The following NRXN1 variants were observed in gnomAD, a reference collection of about 807,000 sequenced individuals.
NRXN1 encodes neurexin-1.
Under a neutral mutation model 150.9 loss-of-function variants are expected in NRXN1, and 39 were observed. That is an observed-to-expected ratio of 0.26 (90% CI 0.20 to 0.34). The LOEUF is 0.34. Ranked by LOEUF, NRXN1 falls within the 10% of genes least tolerant of loss-of-function variation. The pLI is 1.00. For synonymous variants in NRXN1, 924 were observed against 757.0 expected, an observed-to-expected ratio of 1.22 and a Z score of -3.62; for missense variants, 1,815 against 1,949.9, an observed-to-expected ratio of 0.93 and a Z score of 1.30.
At chr2:50,068,369 A>T (rs1371107043) in intron 19 of NRXN1, among the ~76,000 whole-genome samples, 1 of 143,666 alleles carries the variant, frequency 7.0e-6, no homozygotes, top group Non-Finnish European at 1.5e-5. Context: ...AATACTATGG[A>T]TATGAATTTA....
chr2:50,728,025 C>A (rs1013130895), intron 5 of NRXN1, among the ~76,000 whole-genome samples: 2 of 152,154 alleles, frequency 1.3e-5, no homozygotes, highest in Admixed American at 6.5e-5. Context: ...GAAACAGAAT[C>A]TGTATCATTA....
intron 18 of NRXN1, among the ~76,000 whole-genome samples, chr2:50,226,434 T>G (rs1274575028): frequency 2.0e-5 from 3 of 152,002 alleles, no homozygotes; most frequent in Admixed American, 6.6e-5. Context: ...CACATCTGAC[T>G]GTATTTCTAG....
chr2:50,960,343 C>T (rs955944038), intron 2 of NRXN1, among the ~76,000 whole-genome samples: 6 of 150,790 alleles, frequency 4.0e-5, no homozygotes, highest in African/African-American at 1.5e-4. Context: ...CCCTCCTTCC[C>T]TCCTTTCCTT....
chr2:50,846,069 T>G (rs748216596), intron 5 of NRXN1, among the ~76,000 whole-genome samples: 1 of 152,218 alleles, frequency 6.6e-6, no homozygotes, highest in Non-Finnish European at 1.5e-5. Context: ...AGTTACTAGC[T>G]ATAGGGAGTA....
chr2:50,921,610 T>C (rs1344693157), intron 5 of NRXN1, among the ~76,000 whole-genome samples: 5 of 151,704 alleles, frequency 3.3e-5, no homozygotes, highest in Admixed American at 1.3e-4. Flanking sequence ...CCGAAACTTG[T>C]AGCTAATTTC....
At chr2:50,534,607 C>T (rs1319945849) in intron 10 of NRXN1, among the ~76,000 whole-genome samples, 1 of 152,066 alleles carries the variant, frequency 6.6e-6, no homozygotes, top group African/African-American at 2.4e-5. Context: ...TTTTGTTTTT[C>T]CTAAACTAGA....
intron 5 of NRXN1, among the ~76,000 whole-genome samples, chr2:50,830,900 C>T (rs1410507484): frequency 1.3e-5 from 2 of 151,948 alleles, no homozygotes; most frequent in African/African-American, 4.8e-5. Flanking sequence ...AAAAGACATG[C>T]ACTAAAGTGT....
At chr2:50,067,725 GAA>G (rs1695576732) in intron 19 of NRXN1, among the ~76,000 whole-genome samples, 1 of 152,140 alleles carries the variant, frequency 6.6e-6, no homozygotes, top group Non-Finnish European at 1.5e-5. Context: ...CTGAGAATAA[GAA>G]AAATGAAAAG....
At chr2:50,098,301 T>C (rs557258600) in intron 18 of NRXN1, among the ~76,000 whole-genome samples, 1 of 152,126 alleles carries the variant, frequency 6.6e-6, no homozygotes, top group East Asian at 1.9e-4. Flanking sequence ...ATTGGGAAGG[T>C]AAATCGTGCA....
chr2:50,587,884 T>C (rs1673432131), intron 8 of NRXN1, among the ~76,000 whole-genome samples: 2 of 152,156 alleles, frequency 1.3e-5, no homozygotes, highest in East Asian at 1.9e-4. Context: ...CAGGGTAAGA[T>C]GGTATTTATA....
At chr2:50,782,341 A>C (rs1230376626) in intron 5 of NRXN1, among the ~76,000 whole-genome samples, 1 of 152,004 alleles carries the variant, frequency 6.6e-6, no homozygotes, top group African/African-American at 2.4e-5. Flanking sequence ...GTGGTGGCTC[A>C]TGCTTGTAGT....
At chr2:49,954,902 C>G (rs994965034) in intron 21 of NRXN1, among the ~76,000 whole-genome samples, 1 of 152,106 alleles carries the variant, frequency 6.6e-6, no homozygotes, top group Non-Finnish European at 1.5e-5. Flanking sequence ...GGCATCTATA[C>G]AGGAATTCAG....
At chr2:50,725,075 T>A (rs1178363536) in intron 5 of NRXN1, among the ~76,000 whole-genome samples, 1 of 152,168 alleles carries the variant, frequency 6.6e-6, no homozygotes, top group East Asian at 1.9e-4. Flanking sequence ...GATTTGCACA[T>A]TCAGATTTAG....
intron 8 of NRXN1, among the ~76,000 whole-genome samples, chr2:50,594,018 C>G (rs1230699045): frequency 3.3e-5 from 5 of 152,124 alleles, no homozygotes; most frequent in Admixed American, 3.3e-4. Context: ...TTTGATTTTG[C>G]TTGGCACTTC....
chr2:50,670,044 A>G (rs972948425), intron 5 of NRXN1, among the ~76,000 whole-genome samples: 1 of 151,732 alleles, frequency 6.6e-6, no homozygotes, highest in African/African-American at 2.4e-5. Flanking sequence ...AGTTTTATAC[A>G]TGTATAGTCC....
chr2:50,311,116 T>C (rs1520522), intron 17 of NRXN1, among the ~76,000 whole-genome samples: 94,115 of 151,972 alleles, frequency 0.62, 31,915 homozygotes, highest in East Asian at 0.92. Context: ...AGAGTAATGC[T>C]ATCTATTCTT....
At chr2:50,311,922 G>A (rs966825692) in intron 17 of NRXN1, among the ~76,000 whole-genome samples, 2 of 152,142 alleles carry the variant, frequency 1.3e-5, no homozygotes, top group Admixed American at 6.5e-5. Flanking sequence ...GTGTCATATT[G>A]AGGAATTAAG....
chr2:50,813,948 C>A (rs1290733130), intron 5 of NRXN1, among the ~76,000 whole-genome samples: 3 of 151,632 alleles, frequency 2.0e-5, no homozygotes, highest in African/African-American at 7.3e-5. Context: ...TTGTTTCTAC[C>A]AAGATTAAAG....
At chr2:50,351,390 A>C (rs2078401044) in intron 17 of NRXN1, among the ~76,000 whole-genome samples, 1 of 152,198 alleles carries the variant, frequency 6.6e-6, no homozygotes, top group Non-Finnish European at 1.5e-5. Context: ...TTGTGCTACT[A>C]TCATCTCTAA....
Sources: gnomAD v4.1 joint callset for allele counts (sites outside exome capture counted in the v4.1 genomes callset) on GRCh38, gnomAD v4.1.1 for gene constraint, MANE v1.5 for transcripts, NCBI Gene and HGNC (gene_info 2026-07-23, HGNC 2026-07-21) for gene names.